The following USP4 variants were observed in gnomAD, a reference collection of about 807,000 sequenced individuals.
USP4 encodes the protein ubiquitin specific peptidase 4.
Under a neutral mutation model 118.2 loss-of-function variants are expected in USP4, and 72 were observed. The ratio of observed to expected loss-of-function variants is 0.61; its 90% CI spans 0.50 to 0.74. USP4 has a LOEUF of 0.74. Ranked by LOEUF, USP4 falls within the 30% of genes least tolerant of loss-of-function variation. USP4 has a pLI of 0.00. For missense variants in USP4, 1,037 were observed against 1,185.7 expected (o/e 0.87, Z 1.84); for synonymous variants, 415 against 440.4 (o/e 0.94, Z 0.72).
chr3:49,281,331 CT>C (rs1358811130), intron 19 of USP4, among the ~76,000 whole-genome samples: 1 of 151,894 alleles, frequency 6.6e-6, no homozygotes, highest in Non-Finnish European at 1.5e-5. Flanking sequence ...TGGTGGGCGC[CT>C]GTAGTCCCAG....
Position 49,284,686 on chromosome 3 carries a change from T to C in USP4, c.2272-102A>G, listed in dbSNP as rs2047075099. 6 of 1,231,248 alleles carry C rather than the reference T, an allele frequency of 4.9e-6. No individual in the cohort carries two copies. In the South Asian group the frequency reaches 7.7e-5, roughly 16 times the overall value. 76.3% of individuals were successfully genotyped at this position (1,231,248 alleles called of 1,614,324 possible). A position where few individuals can be genotyped will look rare whatever the true frequency, so the allele number is the denominator to read the frequency against. On this transcript the variant is annotated intron_variant, in intron 17 of 21. Transcript: ENST00000265560. ...CTCCCACCTGGAATGTAGTACACTT[T>C]CTAGAGCCTCTGAATATAAAATGAC...
chr3:49,336,919 T>C (rs1313558748), intron 1 of USP4, among the ~76,000 whole-genome samples: 2 of 152,202 alleles, frequency 1.3e-5, no homozygotes, highest in Non-Finnish European at 2.9e-5. Flanking sequence ...ACTAAACTAA[T>C]GCTCTTTCTG....
At position 49,302,378 on chromosome 3, in the gene USP4, G is replaced by A; in HGVS notation, c.1287+6C>T. On this transcript the variant is annotated splice_donor_region_variant and intron_variant, in intron 10 of 21. Coordinates refer to ENST00000265560, the MANE Select transcript of USP4 (RefSeq NM_003363.4). ...TATTATCATTCAGACATCATTAATGGCATACCGCATCTGGCCGCCCATTGG... is the reference window on the plus strand; with the variant it reads ...TATTATCATTCAGACATCATTAATGACATACCGCATCTGGCCGCCCATTGG... 2.5e-6 allele frequency: 4 copies of A among 1,613,130 alleles called. No individual in the cohort carries two copies. The highest frequency in any genetic ancestry group is 2.2e-5 in the South Asian group (2 of 90,920).
chr3:49,316,132 G>C (rs2107791740), intron 6 of USP4, among the ~76,000 whole-genome samples: 1 of 152,078 alleles, frequency 6.6e-6, no homozygotes, highest in East Asian at 1.9e-4. Flanking sequence ...AACCCGGGAG[G>C]TGGAGGTTGC....
intron 8 of USP4, among the ~76,000 whole-genome samples, chr3:49,306,639 T>C (rs969867063): frequency 1.3e-5 from 2 of 152,174 alleles, no homozygotes; most frequent in African/African-American, 2.4e-5. Context: ...TTTAGAACTA[T>C]AAAACTCATC....
At chr3:49,323,266 C>CT (rs1575618444) in intron 6 of USP4, among the ~76,000 whole-genome samples, 4 of 130,024 alleles carry the variant, frequency 3.1e-5, no homozygotes, top group African/African-American at 5.9e-5. Context: ...TGCTCCTGGC[C>CT]TTTTTAAAAA....
rs1482032150 is a variant in USP4 at position 49,302,515 on chromosome 3, A to G, written c.1156T>C (p.Phe386Leu). ...KTQVGRFAPQFSGYQQQDSQE... is the reference protein window; with the variant it reads ...KTQVGRFAPQLSGYQQQDSQE... ...GAATCTTGTTGCTGGTAGCCAGAAA[A>G]TTGAGGAGCAAAACGTCCTACTTGA... Residue 386 changes from phenylalanine (F) to leucine (L), a missense_variant, in exon 10 of 22, where the codon TTT becomes CTT. By Grantham distance (22) the Phe-to-Leu change is conservative (BLOSUM62 0). Coordinates refer to ENST00000265560, the MANE Select transcript of USP4 (RefSeq NM_003363.4). 2 of 1,614,116 alleles carry G rather than the reference A, an allele frequency of 1.2e-6. No homozygotes were observed. Among genetic ancestry groups the G allele is most frequent in the South Asian group, 2.2e-5 (2 of 91,070 alleles).
intron 6 of USP4, among the ~76,000 whole-genome samples, chr3:49,317,746 G>T (rs1468175909): frequency 6.6e-6 from 1 of 151,058 alleles, no homozygotes; most frequent in Admixed American, 6.6e-5. Flanking sequence ...TAGAGACGGG[G>T]TTTCACTGTG....
chr3:49,311,432 G>A (rs1381792135), intron 7 of USP4, 82 bp downstream of exon 7: 22 of 1,499,368 alleles, frequency 1.5e-5, no homozygotes, highest in Non-Finnish European at 2.0e-5. Context: ...ACTATGCTTA[G>A]TGGAGCAGCA....
In USP4 at chr3:49,284,842, G is replaced by A; in HGVS notation, c.2271+7C>T. Reference sequence around the variant, plus strand: ...ACACCACCGACCACGAACCCCGAGGGACCTACCTCAGATTCTTGCTCATCA... The same window carrying A: ...ACACCACCGACCACGAACCCCGAGGAACCTACCTCAGATTCTTGCTCATCA... On this transcript the variant is annotated splice_region_variant and intron_variant, in intron 17 of 21. Coordinates refer to ENST00000265560, the MANE Select transcript of USP4 (RefSeq NM_003363.4). The A allele has an allele frequency of 1.2e-6, 2 of 1,613,296 alleles. No individual in the cohort carries two copies. The highest frequency in any genetic ancestry group is 1.7e-6 in the Non-Finnish European group (2 of 1,179,424).
chr3:49,302,462 A>G lies in USP4; in HGVS notation c.1209T>C (p.Asp403=). 1.9e-6 allele frequency: 3 copies of G among 1,614,190 alleles called. No individual in the cohort carries two copies. Among genetic ancestry groups the G allele is most frequent in the Non-Finnish European group, 2.5e-6 (3 of 1,180,038 alleles). ...DSQELLAFLL[D]GLHEDLNRVK... ...CCCGGTTCAGATCTTCATGCAATCC[A>G]TCTAGAAGAAAGGCCAGCAGCTCCT... is the stretch of plus-strand genomic sequence containing the variant. The change falls in exon 10 of 22, where the codon GAT becomes GAC. Residue 403 remains aspartate, a synonymous_variant. Coordinates refer to ENST00000265560, the MANE Select transcript of USP4 (RefSeq NM_003363.4).
intron 14 of USP4, among the ~76,000 whole-genome samples, chr3:49,293,976 AT>A (rs531837818): frequency 0.015 from 2,068 of 135,478 alleles, 27 homozygotes; most frequent in African/African-American, 0.04. Context: ...GCACAAGTGC[AT>A]TTTTTTTTTT....
intron 11 of USP4, among the ~76,000 whole-genome samples, chr3:49,299,836 T>A (rs1453663018): frequency 6.6e-6 from 1 of 152,188 alleles, no homozygotes; most frequent in East Asian, 1.9e-4. Context: ...TGTCCTAGGT[T>A]ATGTGAGGGT....
rs1230921623 is a variant in USP4, at chr3:49,309,890, G to C, written c.954+730C>G. ...TATCCACCCGCCTTAGCCTCCCAAA[G>C]TGCTGGGATTACAGGCGTGAGCCAC... On this transcript the variant is annotated intron_variant, in intron 8 of 21. Coordinates refer to ENST00000265560, the MANE Select transcript of USP4 (RefSeq NM_003363.4). Among the ~76,000 whole-genome samples the C allele has an allele frequency of 2.9e-5, 4 of 139,422 alleles. No homozygotes were observed. In the East Asian group the frequency reaches 9.3e-4, roughly 32 times the overall value. 91.5% of individuals were successfully genotyped at this position (139,422 alleles called of 152,430 possible). A position where few individuals can be genotyped will look rare whatever the true frequency, so the allele number is the denominator to read the frequency against.
intron 2 of USP4, among the ~76,000 whole-genome samples, chr3:49,335,098 A>G (rs956218399): frequency 6.6e-6 from 1 of 152,200 alleles, no homozygotes; most frequent in Non-Finnish European, 1.5e-5. Context: ...CAGGTTTACA[A>G]TTTGTTCCAC....
At chr3:49,286,469 G>T (rs1349706485) in intron 15 of USP4, 144 bp from the exon 16 acceptor site, 1 of 815,510 alleles carries the variant, frequency 1.2e-6, no homozygotes, top group Non-Finnish European at 1.9e-6. Flanking sequence ...CATTTAACTT[G>T]AATTCACATG....
At position 49,315,571 on chromosome 3, in the gene USP4, T is replaced by C. The variant is rs561375973; in HGVS notation, c.696-3917A>G. ...AGGTAAGCAAGATCTCACTCTGATT[T>C]GTGACTGGGTCTCATGCCACACTCT... is the stretch of plus-strand genomic sequence containing the variant. On this transcript the variant is annotated intron_variant, in intron 6 of 21. Transcript: ENST00000265560. Among the ~76,000 whole-genome samples the C allele has an allele frequency of 5.8e-4, 88 of 152,254 alleles. 2 individuals carry two copies. The South Asian group carries it at 0.018, about 31-fold the overall frequency.
intron 20 of USP4, 149 bp from the exon 21 acceptor site, chr3:49,279,051 A>C (rs984366001): frequency 8.9e-6 from 4 of 450,272 alleles, no homozygotes; most frequent in Non-Finnish European, 1.6e-5. Flanking sequence ...ACAACCAAAA[A>C]ACAACTCACC....
chr3:49,302,410 T>C lies in USP4; in HGVS notation c.1261A>G (p.Lys421Glu), dbSNP rs2107780932. ...RVKKKPYLEL[K>E]DANGRPDAVV... ...GCATCTGGCCGCCCATTGGCATCCT[T>C]CAGCTCCAAGTAGGGCTTTTTCTTT... is the stretch of plus-strand genomic sequence containing the variant. The change falls in exon 10 of 22, where the codon AAG becomes GAG. Residue 421 changes from lysine to glutamate, a missense_variant. By Grantham distance (56) the Lys-to-Glu change is moderately conservative. This residue lies in a region of USP4 where 487 missense variants were observed against 534.1 expected (regional missense o/e 0.91). Transcript: ENST00000265560. The C allele has an allele frequency of 6.2e-7, 1 of 1,614,018 alleles. No homozygotes were observed. Among genetic ancestry groups the C allele is most frequent in the Non-Finnish European group, 8.5e-7 (1 of 1,179,986 alleles).
Sources: allele counts gnomAD v4.1 joint callset (sites outside exome capture counted in the v4.1 genomes callset), GRCh38; gene constraint gnomAD v4.1.1; regional missense constraint gnomAD v4.1.1; transcripts MANE v1.5; gene names NCBI Gene and HGNC (gene_info 2026-07-23, HGNC 2026-07-21).